Variants in ATP8A2 observed in about 807,000 individuals in gnomAD.
ATP8A2 encodes the protein phospholipid-transporting ATPase IB.
ATP8A2 carries 100 observed loss-of-function variants against 165.6 expected under a neutral mutation model. The ratio of observed to expected loss-of-function variants is 0.60; its 90% confidence interval spans 0.51 to 0.71. The LOEUF is 0.71. Among genes scored for constraint, ATP8A2 ranks in the 30% least tolerant of loss-of-function variants. ATP8A2 has a pLI of 0.00. For synonymous variants in ATP8A2, 543 were observed against 548.8 expected (o/e 0.99, Z 0.15); for missense variants, 1,227 against 1,479.5 (o/e 0.83, Z 2.80).
chr13:25,766,525 G>C (rs1239625001), intron 25 of ATP8A2, among the ~76,000 whole-genome samples: 1 of 152,134 alleles, frequency 6.6e-6, no homozygotes, highest in Non-Finnish European at 1.5e-5. Context: ...CTGCTGCCTT[G>C]CTCATTTCCT....
rs374397075 is a variant in ATP8A2 at position 25,953,522 on chromosome 13, TAAAAA to T, written c.3184-8033_3184-8029del. ...GTAGCCCTGGTTACTCCAGCCTTTTTAAAAAAAAAAAAAAAAAAAAAAAAGCAAGG... is the reference window on the plus strand; with the variant it reads ...GTAGCCCTGGTTACTCCAGCCTTTTTAAAAAAAAAAAAAAAAAAAGCAAGG... On this transcript the variant is annotated intron_variant, in intron 33 of 36. Coordinates refer to ENST00000381655, the MANE Select transcript of ATP8A2 (RefSeq NM_016529.6). This position sits in a 1 kb window ranked among gnomAD's most constrained non-coding sequence, Gnocchi z 6.7. 2.9e-4 allele frequency among the ~76,000 whole-genome samples: 28 copies of T among 94,962 alleles called. No individual in the cohort carries two copies. The highest frequency in any genetic ancestry group is 9.0e-4 in the African/African-American group (21 of 23,382). The allele number at this position is 94,962 out of a possible 152,430, so 62.3% of individuals were successfully genotyped here. A position where few individuals can be genotyped will look rare whatever the true frequency, so the allele number is the denominator to read the frequency against.
chr13:25,543,481 G>C, intron 10 of ATP8A2, 79 bp downstream of exon 10: 1 of 934,278 alleles, frequency 1.1e-6, no homozygotes, highest in Non-Finnish European at 1.7e-6. Flanking sequence ...TGCAGATGTT[G>C]CATTTAGGAA....
intron 24 of ATP8A2, among the ~76,000 whole-genome samples, chr13:25,698,790 G>A (rs1429360107): frequency 3.3e-5 from 5 of 152,146 alleles, no homozygotes; most frequent in African/African-American, 1.2e-4. Flanking sequence ...TCTTTTGGAT[G>A]CTTTAAAGAT....
At chr13:25,963,741 G>A (rs1314183266) in intron 34 of ATP8A2, among the ~76,000 whole-genome samples, 2 of 152,212 alleles carry the variant, frequency 1.3e-5, no homozygotes, top group African/African-American at 4.8e-5. Context: ...AATGTTTATA[G>A]ATTACAAAGT....
chr13:25,865,815 C>T (rs887084342), intron 33 of ATP8A2, among the ~76,000 whole-genome samples: 6 of 152,270 alleles, frequency 3.9e-5, no homozygotes, highest in South Asian at 4.1e-4. Context: ...CCTGTTTTTC[C>T]GTTTTTCTCT....
At chr13:25,393,201 C>T (rs542719814) in intron 1 of ATP8A2, among the ~76,000 whole-genome samples, 2 of 148,796 alleles carry the variant, frequency 1.3e-5, no homozygotes, top group South Asian at 4.2e-4. Flanking sequence ...ATGATCATAA[C>T]TCACTGCAGC....
chr13:25,507,259 G>GT, intron 2 of ATP8A2, among the ~76,000 whole-genome samples: 1 of 92,794 alleles, frequency 1.1e-5, no homozygotes, highest in Non-Finnish European at 2.3e-5. Flanking sequence ...GTGTGTGTGT[G>GT]TGTGTATTTT....
chr13:25,866,463 C>A (rs1403561244), intron 33 of ATP8A2, among the ~76,000 whole-genome samples: 1 of 152,124 alleles, frequency 6.6e-6, no homozygotes, highest in African/African-American at 2.4e-5. Flanking sequence ...ACTCCAAATT[C>A]TTTTAGCCAA....
chr13:25,676,386 G>A (rs1443270691), intron 24 of ATP8A2, among the ~76,000 whole-genome samples: 1 of 152,098 alleles, frequency 6.6e-6, no homozygotes, highest in South Asian at 2.1e-4. Context: ...TCCTGGAAAG[G>A]TGCAGACCTC....
At chr13:25,942,758 T>C (rs1049569259) in intron 33 of ATP8A2, among the ~76,000 whole-genome samples, 1 of 152,248 alleles carries the variant, frequency 6.6e-6, no homozygotes, top group Non-Finnish European at 1.5e-5. Flanking sequence ...TTCTGCTGTT[T>C]GTATGTTCTC....
chr13:25,656,551 G>A (rs1019068473), intron 24 of ATP8A2, among the ~76,000 whole-genome samples: 2 of 151,944 alleles, frequency 1.3e-5, no homozygotes, highest in Non-Finnish European at 2.9e-5. Flanking sequence ...GGGATTACAG[G>A]CGTGAGCCAC....
chr13:25,450,729 C>T (rs1016124684), intron 1 of ATP8A2, among the ~76,000 whole-genome samples: 8 of 152,036 alleles, frequency 5.3e-5, no homozygotes, highest in African/African-American at 1.9e-4. Context: ...GACGGGGTTT[C>T]ACCATGTTAG....
In ATP8A2 at chr13:25,512,807, T is replaced by C. The variant is rs1309722428; in HGVS notation, c.222-17192T>C. Among the ~76,000 whole-genome samples, 4 of 94,646 alleles carry C rather than the reference T, an allele frequency of 4.2e-5. No individual in the cohort carries two copies. The South Asian group carries it at 1.2e-3, about 30-fold the overall frequency. 62.1% of individuals were successfully genotyped at this position (94,646 alleles called of 152,430 possible). ...GGCTGACCCCCCCATCTCCCTCCCG[T>C]ACGGGGCGGCTGGCCGGGCAGAGGG... On this transcript the variant is annotated intron_variant, in intron 2 of 36. Coordinates refer to ENST00000381655, the MANE Select transcript of ATP8A2 (RefSeq NM_016529.6).
At chr13:25,973,874 G>A (rs1411612659) in intron 35 of ATP8A2, among the ~76,000 whole-genome samples, 1 of 152,178 alleles carries the variant, frequency 6.6e-6, no homozygotes, top group African/African-American at 2.4e-5. Flanking sequence ...CACATGTGGT[G>A]CATCTCCCTT....
intron 25 of ATP8A2, among the ~76,000 whole-genome samples, chr13:25,713,998 A>G (rs1182274587): frequency 6.6e-6 from 1 of 152,094 alleles, no homozygotes; most frequent in Admixed American, 6.5e-5. Flanking sequence ...TTGAATTCTT[A>G]AATTTATTAG....
chr13:25,482,200 C>G (rs576902286), intron 2 of ATP8A2, among the ~76,000 whole-genome samples: 5 of 152,126 alleles, frequency 3.3e-5, no homozygotes, highest in African/African-American at 1.2e-4. Context: ...GATTAGGGCC[C>G]GCCTTAGAGG....
chr13:25,810,898 G>GT (rs374699618), intron 27 of ATP8A2, among the ~76,000 whole-genome samples: 4 of 151,618 alleles, frequency 2.6e-5, no homozygotes, highest in Non-Finnish European at 4.4e-5. Flanking sequence ...GAACTTTCCA[G>GT]TTTTTTTTGG....
Position 25,658,945 on chromosome 13 carries a change from AC to A in ATP8A2, c.2212-40226del, listed in dbSNP as rs575879813. On this transcript the variant is annotated intron_variant, in intron 24 of 36. Transcript: ENST00000381655. ...TGAGCTGTGGATGAAGGGTATTGCTACCTAGGTAAGATTTGATGATATTATT... is the reference window on the plus strand; with the variant it reads ...TGAGCTGTGGATGAAGGGTATTGCTACTAGGTAAGATTTGATGATATTATT... Among the ~76,000 whole-genome samples the A allele has an allele frequency of 2.3e-4, 35 of 152,266 alleles. No homozygotes were observed. In the South Asian group the frequency reaches 7.0e-3, roughly 31 times the overall value.
At chr13:25,871,109 G>A (rs1952666012) in intron 33 of ATP8A2, 1 of 288,414 alleles carries the variant, frequency 3.5e-6, no homozygotes, top group African/African-American at 2.3e-5. Context: ...TTGATTGAGT[G>A]GTTTTTTTTT....
Sources: gnomAD v4.1 joint callset for allele counts (sites outside exome capture counted in the v4.1 genomes callset) on GRCh38, gnomAD v4.1.1 for gene constraint, Gnocchi (gnomAD v3.1) non-coding constraint, MANE v1.5 for transcripts, NCBI Gene and HGNC (gene_info 2026-07-23, HGNC 2026-07-21) for gene names.